Variants in MPHOSPH9 observed in about 807,000 individuals in gnomAD.
The protein encoded by MPHOSPH9 is M-phase phosphoprotein 9.
A neutral mutation model predicts 145.5 loss-of-function variants in MPHOSPH9; 88 were observed. That is an observed-to-expected ratio of 0.60 (90% CI 0.51 to 0.72). The LOEUF (loss-of-function observed/expected upper bound fraction) is 0.72. Among genes scored for constraint, MPHOSPH9 ranks in the 30% least tolerant of loss-of-function variants. MPHOSPH9 has a pLI of 0.00. For missense variants in MPHOSPH9, 1,238 were observed against 1,386.6 expected (o/e 0.89, Z 1.70); for synonymous variants, 435 against 486.2 (o/e 0.89, Z 1.39).
chr12:123,183,845 A>C (rs1466144691), intron 13 of MPHOSPH9, among the ~76,000 whole-genome samples: 18 of 152,136 alleles, frequency 1.2e-4, no homozygotes, highest in Admixed American at 1.2e-3. Context: ...AATGGGGAGA[A>C]AAATGGAACT....
chr12:123,194,330 T>C (rs1158350718), intron 13 of MPHOSPH9, 56 bp downstream of exon 13: 5 of 999,820 alleles, frequency 5.0e-6, no homozygotes, highest in Middle Eastern at 3.2e-4. Flanking sequence ...AAGAGTATAA[T>C]ACCTAAATTA....
At chr12:123,160,904 C>A (rs2044077620) in intron 22 of MPHOSPH9, 55 bp from the exon 23 acceptor site, 6 of 1,563,380 alleles carry the variant, frequency 3.8e-6, no homozygotes, top group Non-Finnish European at 5.3e-6. Context: ...GTTTATCACA[C>A]AGAATGGAAA....
In MPHOSPH9 at chr12:123,191,680, A is replaced by C. The variant is rs78588027; in HGVS notation, c.2241+2706T>G. Reference sequence around the variant, plus strand: ...AAAATGAGACTGATTCTAGGACTGGAGCTTGGAAAAGTACAAGATGAGCCT... The same window carrying C: ...AAAATGAGACTGATTCTAGGACTGGCGCTTGGAAAAGTACAAGATGAGCCT... On this transcript the variant is annotated intron_variant, in intron 13 of 23. Transcript: ENST00000606320. 8.6e-3 allele frequency among the ~76,000 whole-genome samples: 1,306 copies of C among 152,310 alleles called. 18 individuals carry two copies. Among genetic ancestry groups the C allele is most frequent in the African/African-American group, 0.029 (1,190 of 41,564 alleles).
rs149260093 is a variant in MPHOSPH9 at position 123,175,174 on chromosome 12, G to A, written c.2456+1514C>T. On this transcript the variant is annotated intron_variant, in intron 16 of 23. Transcript: ENST00000606320. ...TAACTTTTTTTTTTTTTTCTGAGAC[G>A]GAGTCTTGCTCTGTCTCCCAGGCTG... Among the ~76,000 whole-genome samples the A allele has an allele frequency of 3.2e-3, 477 of 150,374 alleles. 3 individuals are homozygous for A. The highest frequency in any genetic ancestry group is 0.011 in the African/African-American group (435 of 40,960).
intron 15 of MPHOSPH9, 112 bp from the exon 16 acceptor site, chr12:123,176,901 C>T (rs1194867470): frequency 2.5e-6 from 2 of 802,464 alleles, no homozygotes; most frequent in Non-Finnish European, 4.0e-6. Flanking sequence ...AAAAGAGTTG[C>T]AAGTCCATGG....
intron 7 of MPHOSPH9, among the ~76,000 whole-genome samples, chr12:123,211,048 G>A (rs566802803): frequency 6.5e-4 from 89 of 137,128 alleles, no homozygotes; most frequent in African/African-American, 2.2e-3. Context: ...GCAATGGCAC[G>A]AGCTCGGCTC....
At chr12:123,233,369 T>G (rs2047757394), upstream of MPHOSPH9, 1 of 152,272 alleles carries the variant, frequency 6.6e-6, no homozygotes, top group Non-Finnish European at 1.5e-5. Flanking sequence ...AAGCTTCAGT[T>G]TCTCGCATGC....
At chr12:123,221,980 A>T in intron 4 of MPHOSPH9, 85 bp from the exon 5 acceptor site, 1 of 746,256 alleles carries the variant, frequency 1.3e-6, no homozygotes, top group Non-Finnish European at 2.1e-6. Flanking sequence ...TCATGTTTCA[A>T]AATATGATGA....
In MPHOSPH9 at chr12:123,202,318, T is replaced by C; in HGVS notation, c.1783A>G (p.Ile595Val). The change falls in exon 11 of 24, where the codon ATT becomes GTT. Residue 595 changes from isoleucine to valine, a missense_variant and splice_region_variant. By Grantham distance (29) the Ile-to-Val change is conservative. This residue lies in a region of MPHOSPH9 where 837 missense variants were observed against 897.5 expected (regional missense o/e 0.93). Coordinates refer to ENST00000606320, the MANE Select transcript of MPHOSPH9 (RefSeq NM_022782.4). ...TGCTTTTCCTTCAGATTCTGCCTAA[T>C]CCTTATTCAGTGAGAATAAAAAATA... ...SLEDPVILSK[I>V]RQNLKEKHAR... 1.9e-6 allele frequency: 3 copies of C among 1,588,290 alleles called. No homozygotes were observed. The South Asian group carries it at 3.5e-5, about 19-fold the overall frequency.
intron 8 of MPHOSPH9, among the ~76,000 whole-genome samples, chr12:123,208,033 C>A (rs1484251415): frequency 1.3e-5 from 2 of 151,506 alleles, no homozygotes; most frequent in Non-Finnish European, 1.5e-5. Flanking sequence ...GCCTGGCCAA[C>A]ATCACGAAAC....
In MPHOSPH9 at chr12:123,227,484, C is replaced by A; in HGVS notation, c.237G>T (p.Ser79=). Residue 79 remains serine, a synonymous_variant, in exon 3 of 24, where the codon TCG becomes TCT. Transcript: ENST00000606320. ...ATACCTCACAGTTTTTCCAAAGTTC[C>A]GAATCAGTCTTTCCACTGTTTTGTA... is the stretch of plus-strand genomic sequence containing the variant. ...QELQNSGKTD[S]ELWKNCETRW... 5 of 1,496,990 alleles carry A rather than the reference C, an allele frequency of 3.3e-6. No individual in the cohort carries two copies. The highest frequency in any genetic ancestry group is 4.4e-6 in the Non-Finnish European group (5 of 1,128,076). The allele number at this position is 1,496,990 out of a possible 1,614,324, so 92.7% of individuals were successfully genotyped here.
chr12:123,209,547 A>G (rs1377802140), intron 8 of MPHOSPH9, among the ~76,000 whole-genome samples: 3 of 151,340 alleles, frequency 2.0e-5, no homozygotes, highest in South Asian at 2.1e-4. Context: ...GCTGGGATGA[A>G]CAGGCACACG....
chr12:123,236,778 G>A (rs892973381), upstream of MPHOSPH9, among the ~76,000 whole-genome samples: 12 of 152,024 alleles, frequency 7.9e-5, no homozygotes, highest in South Asian at 2.1e-4. Flanking sequence ...TAAAGTTCCC[G>A]TTAGATGCCA....
chr12:123,220,103 A>C (rs2047135009), intron 5 of MPHOSPH9, among the ~76,000 whole-genome samples: 1 of 151,714 alleles, frequency 6.6e-6, no homozygotes, highest in African/African-American at 2.4e-5. Context: ...CTGAGGCAGG[A>C]GAATCATATG....
chr12:123,187,658 C>A (rs1289398433), intron 13 of MPHOSPH9, among the ~76,000 whole-genome samples: 2 of 152,060 alleles, frequency 1.3e-5, no homozygotes, highest in Non-Finnish European at 2.9e-5. Context: ...CAGAGACAGA[C>A]CAATGGAACA....
At chr12:123,228,367 ATAGT>A (rs2047508705) in intron 2 of MPHOSPH9, among the ~76,000 whole-genome samples, 1 of 152,158 alleles carries the variant, frequency 6.6e-6, no homozygotes, top group Non-Finnish European at 1.5e-5. Flanking sequence ...CAATAAAATA[ATAGT>A]TAGGACCAGT....
chr12:123,212,960 C>T (rs954017424), intron 7 of MPHOSPH9, among the ~76,000 whole-genome samples: 2 of 149,492 alleles, frequency 1.3e-5, no homozygotes, highest in African/African-American at 4.9e-5. Context: ...CCTGGGTTCA[C>T]GCCATTCTCC....
chr12:123,207,370 C>G (rs1176662856), intron 8 of MPHOSPH9, among the ~76,000 whole-genome samples: 2 of 151,994 alleles, frequency 1.3e-5, no homozygotes, highest in African/African-American at 4.8e-5. Context: ...CTTCATTTCT[C>G]TGTGTTGACC....
intron 7 of MPHOSPH9, 132 bp from the exon 8 acceptor site, chr12:123,210,294 G>T: frequency 2.0e-6 from 1 of 502,286 alleles, no homozygotes. Context: ...TTTGAATTTT[G>T]ATGGAAAAAA....
Sources: gnomAD v4.1 joint callset for allele counts (sites outside exome capture counted in the v4.1 genomes callset) on GRCh38, gnomAD v4.1.1 for gene constraint, gnomAD v4.1.1 regional missense constraint, MANE v1.5 for transcripts, NCBI Gene and HGNC (gene_info 2026-07-23, HGNC 2026-07-21) for gene names.